Variants in PTPRJ observed in about 807,000 individuals in gnomAD.
The protein encoded by PTPRJ is receptor-type tyrosine-protein phosphatase eta.
Under a neutral mutation model 141.3 loss-of-function variants are expected in PTPRJ, and 129 were observed. That is an observed-to-expected ratio of 0.91 (90% CI 0.79 to 1.06). PTPRJ has a LOEUF of 1.06. Among genes scored for constraint, PTPRJ ranks in the 50% least tolerant of loss-of-function variants. The probability of loss-of-function intolerance (pLI) is 0.00; values close to 1 mark genes in which losing one functional copy is unlikely to be tolerated. For synonymous variants in PTPRJ, 610 were observed against 640.5 expected (o/e 0.95, Z 0.72); for missense variants, 1,601 against 1,679.7 (o/e 0.95, Z 0.82).
intron 1 of PTPRJ, among the ~76,000 whole-genome samples, chr11:48,070,201 T>C (rs572074030): frequency 6.6e-6 from 1 of 152,258 alleles, no homozygotes; most frequent in African/African-American, 2.4e-5. Flanking sequence ...CAGGAGGATG[T>C]TGAGAAATGG....
At chr11:47,986,046 G>A (rs951263502) in intron 1 of PTPRJ, among the ~76,000 whole-genome samples, 4 of 152,042 alleles carry the variant, frequency 2.6e-5, no homozygotes, top group Non-Finnish European at 2.9e-5. Context: ...GGCTGGACTC[G>A]AACTCCTGGG....
At chr11:48,096,214 G>A (rs1337616781) in intron 1 of PTPRJ, among the ~76,000 whole-genome samples, 3 of 152,122 alleles carry the variant, frequency 2.0e-5, no homozygotes, top group Non-Finnish European at 2.9e-5. Context: ...GTGACCCACC[G>A]TGTGCTGTGT....
At chr11:48,084,608 C>T (rs1478571066) in intron 1 of PTPRJ, among the ~76,000 whole-genome samples, 3 of 152,124 alleles carry the variant, frequency 2.0e-5, no homozygotes, top group Non-Finnish European at 4.4e-5. Flanking sequence ...CAGCTGAGCC[C>T]TGATTGGTTG....
intron 1 of PTPRJ, among the ~76,000 whole-genome samples, chr11:48,078,781 A>T (rs572242986): frequency 1.4e-4 from 20 of 146,784 alleles, no homozygotes; most frequent in Non-Finnish European, 2.5e-4. Context: ...TTCAAATGTC[A>T]GTGTCTGTAA....
chr11:48,013,155 CTGAGGGTAACA>C (rs1854854338), intron 1 of PTPRJ, among the ~76,000 whole-genome samples: 1 of 150,474 alleles, frequency 6.6e-6, no homozygotes, highest in African/African-American at 2.4e-5. Context: ...CCCCACGGGA[CTGAGGGTAACA>C]TGAGGGTAAC....
intron 1 of PTPRJ, among the ~76,000 whole-genome samples, chr11:48,052,197 G>A (rs552513296): frequency 1.3e-5 from 2 of 152,348 alleles, no homozygotes; most frequent in African/African-American, 4.8e-5. Context: ...GAGCTAGCCC[G>A]TCTACAGTGA....
intron 15 of PTPRJ, among the ~76,000 whole-genome samples, chr11:48,148,455 G>A (rs1243804167): frequency 7.0e-6 from 1 of 142,958 alleles, no homozygotes. Flanking sequence ...TTTTTTTTTT[G>A]AGACAGAGTT....
intron 1 of PTPRJ, among the ~76,000 whole-genome samples, chr11:48,097,044 C>T (rs1856023801): frequency 6.6e-6 from 1 of 152,180 alleles, no homozygotes; most frequent in Non-Finnish European, 1.5e-5. Context: ...TCCTGTTCCC[C>T]ATTCAGCCAG....
chr11:48,082,722 C>T (rs1204496787), intron 1 of PTPRJ, among the ~76,000 whole-genome samples: 1 of 151,568 alleles, frequency 6.6e-6, no homozygotes, highest in Non-Finnish European at 1.5e-5. Flanking sequence ...CCCAGTTGCT[C>T]TTTACATGGT....
chr11:48,123,707 G>T lies in PTPRJ; in HGVS notation c.711G>T (p.Arg237=). 6.2e-7 allele frequency: 1 copy of T among 1,614,142 alleles called. No individual in the cohort carries two copies. The highest frequency in any genetic ancestry group is 8.5e-7 in the Non-Finnish European group (1 of 1,180,026). The change falls in exon 5 of 25, where the codon CGG becomes CGT. Residue 237 remains arginine (R), a synonymous_variant. Coordinates refer to ENST00000418331, the MANE Select transcript of PTPRJ (RefSeq NM_002843.4). ...ATGGCAATGGCACTGCCTCCTGCCGGGTTCTTCTTGAAAGCATTGGAAGCC... is the reference window on the plus strand; with the variant it reads ...ATGGCAATGGCACTGCCTCCTGCCGTGTTCTTCTTGAAAGCATTGGAAGCC... ...WSNGNGTASC[R]VLLESIGSHE... is the part of the protein sequence containing the mutation.
intron 3 of PTPRJ, among the ~76,000 whole-genome samples, chr11:48,118,745 A>T (rs1216269602): frequency 1.3e-5 from 2 of 152,218 alleles, no homozygotes; most frequent in Non-Finnish European, 2.9e-5. Flanking sequence ...TTGACCAAAA[A>T]ATATTGTTAA....
chr11:48,064,300 C>T (rs1426763974), intron 1 of PTPRJ, among the ~76,000 whole-genome samples: 1 of 152,100 alleles, frequency 6.6e-6, no homozygotes, highest in Non-Finnish European at 1.5e-5. Flanking sequence ...TTTGTCATGG[C>T]CCTTCCTTAA....
At chr11:48,048,059 A>G (rs549068498) in intron 1 of PTPRJ, among the ~76,000 whole-genome samples, 6 of 152,028 alleles carry the variant, frequency 3.9e-5, no homozygotes, top group Non-Finnish European at 8.8e-5. Context: ...GTCGTTGTCC[A>G]TGTTATTAAA....
At chr11:48,054,031 C>T (rs1565279092) in intron 1 of PTPRJ, among the ~76,000 whole-genome samples, 1 of 146,768 alleles carries the variant, frequency 6.8e-6, no homozygotes, top group Non-Finnish European at 1.5e-5. Context: ...CTTCTAGGTT[C>T]AAGTAGTTCT....
chr11:48,135,930 A>G lies in PTPRJ; in HGVS notation c.1616-109A>G, dbSNP rs539798722. 663 of 1,310,656 alleles carry G rather than the reference A, an allele frequency of 5.1e-4. 2 individuals carry two copies. The highest frequency in any genetic ancestry group is 3.4e-4 in the Non-Finnish European group (324 of 942,910). The allele number at this position is 1,310,656 out of a possible 1,614,324, so 81.2% of individuals were successfully genotyped here. ...TTTGGAGTGTGCCTTTTGTGAACTCATTAGAAAGCGTAATGGCAAAAGAGC... is the reference window on the plus strand; with the variant it reads ...TTTGGAGTGTGCCTTTTGTGAACTCGTTAGAAAGCGTAATGGCAAAAGAGC... On this transcript the variant is annotated intron_variant, in intron 8 of 24. Coordinates refer to ENST00000418331, the MANE Select transcript of PTPRJ (RefSeq NM_002843.4).
chr11:48,028,529 A>G (rs1267735307), intron 1 of PTPRJ, among the ~76,000 whole-genome samples: 2 of 152,142 alleles, frequency 1.3e-5, no homozygotes, highest in Non-Finnish European at 2.9e-5. Flanking sequence ...GGTGGCTCAC[A>G]CCTGTAATCC....
At chr11:48,072,802 A>T (rs1006873064) in intron 1 of PTPRJ, among the ~76,000 whole-genome samples, 9 of 152,240 alleles carry the variant, frequency 5.9e-5, no homozygotes, top group Admixed American at 5.2e-4. Context: ...GATGAACATT[A>T]ATAGTCATCT....
intron 21 of PTPRJ, 62 bp downstream of exon 21, chr11:48,156,181 A>G: frequency 7.2e-7 from 1 of 1,394,828 alleles, no homozygotes; most frequent in Non-Finnish European, 9.9e-7. Flanking sequence ...ATTGTGGCAG[A>G]AGGGTATCTT....
At chr11:48,014,069 G>C (rs1315202612) in intron 1 of PTPRJ, among the ~76,000 whole-genome samples, 2 of 152,170 alleles carry the variant, frequency 1.3e-5, no homozygotes, top group African/African-American at 4.8e-5. Flanking sequence ...AGAGTTAGTA[G>C]GTGGTGGTGA....
Sources: allele counts gnomAD v4.1 joint callset (sites outside exome capture counted in the v4.1 genomes callset), GRCh38; gene constraint gnomAD v4.1.1; transcripts MANE v1.5; gene names NCBI Gene and HGNC (gene_info 2026-07-23, HGNC 2026-07-21).